Variants in PDSS2 observed in about 807,000 individuals in gnomAD.
PDSS2 encodes the protein decaprenyl diphosphate synthase subunit 2, also known as all trans-polyprenyl-diphosphate synthase PDSS2.
PDSS2 carries 31 observed loss-of-function variants against 44.5 expected under a neutral mutation model. The ratio of observed to expected loss-of-function variants is 0.70; its 90% CI spans 0.52 to 0.94. The LOEUF is 0.94. Among genes scored for constraint, PDSS2 ranks in the 40% least tolerant of loss-of-function variants. The probability of loss-of-function intolerance (pLI) is 0.00; values close to 1 mark genes in which losing one functional copy is unlikely to be tolerated. For synonymous variants in PDSS2, 157 were observed against 180.3 expected, an observed-to-expected ratio of 0.87 and a Z score of 1.03; for missense variants, 452 against 482.2, an observed-to-expected ratio of 0.94 and a Z score of 0.59.
intron 6 of PDSS2, among the ~76,000 whole-genome samples, chr6:107,201,582 A>G (rs895108910): frequency 6.6e-6 from 1 of 152,178 alleles, no homozygotes; most frequent in African/African-American, 2.4e-5. Context: ...GTAACAAAGA[A>G]GGATTGGATG....
intron 2 of PDSS2, among the ~76,000 whole-genome samples, chr6:107,301,897 C>G (rs1049930833): frequency 2.3e-5 from 3 of 129,810 alleles, no homozygotes; most frequent in Non-Finnish European, 4.7e-5. Context: ...GCACTCCAGC[C>G]TGGGTGACAG....
intron 3 of PDSS2, among the ~76,000 whole-genome samples, chr6:107,250,180 A>ACC (rs56145618): frequency 0.019 from 2,688 of 142,674 alleles, 74 homozygotes; most frequent in African/African-American, 0.057. Context: ...AAAAATACTG[A>ACC]CCCCCCCCCG....
At chr6:107,289,855 A>G (rs1159270695) in intron 2 of PDSS2, among the ~76,000 whole-genome samples, 5 of 152,268 alleles carry the variant, frequency 3.3e-5, no homozygotes, top group Admixed American at 1.3e-4. Flanking sequence ...TCATTAGGGA[A>G]AGTCACTCAA....
chr6:107,353,376 C>T (rs1356946327), intron 1 of PDSS2, among the ~76,000 whole-genome samples: 3 of 152,164 alleles, frequency 2.0e-5, no homozygotes, highest in Non-Finnish European at 4.4e-5. Flanking sequence ...ATTTTATTTA[C>T]AGTTATTACA....
chr6:107,358,224 G>A (rs557356817), intron 1 of PDSS2, among the ~76,000 whole-genome samples: 47 of 152,270 alleles, frequency 3.1e-4, no homozygotes, highest in African/African-American at 1.1e-3. Flanking sequence ...TTCATGTTTA[G>A]ACTTGGGTCA....
chr6:107,160,470 C>T (rs1018614161), intron 7 of PDSS2, among the ~76,000 whole-genome samples: 29 of 152,110 alleles, frequency 1.9e-4, no homozygotes, highest in Non-Finnish European at 4.1e-4. Flanking sequence ...CATCTCAGCC[C>T]CCAAGTACCT....
At chr6:107,180,647 C>T (rs1771941113) in intron 7 of PDSS2, among the ~76,000 whole-genome samples, 2 of 152,070 alleles carry the variant, frequency 1.3e-5, no homozygotes, top group Non-Finnish European at 2.9e-5. Context: ...CCATGCTTAC[C>T]GTCAAGAACT....
At chr6:107,432,468 A>C (rs999221143) in intron 1 of PDSS2, among the ~76,000 whole-genome samples, 3 of 152,212 alleles carry the variant, frequency 2.0e-5, no homozygotes, top group Admixed American at 2.0e-4. Flanking sequence ...CCATCACCTT[A>C]AGCATTTCTT....
chr6:107,268,351 T>C (rs568926885), intron 3 of PDSS2, among the ~76,000 whole-genome samples: 131 of 152,266 alleles, frequency 8.6e-4, no homozygotes, highest in African/African-American at 3.0e-3. Context: ...TTTTGAAATA[T>C]GTATTTATTT....
intron 1 of PDSS2, among the ~76,000 whole-genome samples, chr6:107,406,731 T>C (rs182782395): frequency 1.3e-5 from 2 of 152,304 alleles, no homozygotes; most frequent in African/African-American, 4.8e-5. Context: ...TAGCTGGCTA[T>C]ATCAAGAAGG....
chr6:107,156,528 G>A (rs1309538989), intron 7 of PDSS2, among the ~76,000 whole-genome samples: 2 of 152,122 alleles, frequency 1.3e-5, no homozygotes, highest in Non-Finnish European at 2.9e-5. Flanking sequence ...AAACCCAGAC[G>A]TCTTCATTCC....
At chr6:107,446,988 A>C (rs1348133705) in intron 1 of PDSS2, among the ~76,000 whole-genome samples, 1 of 152,048 alleles carries the variant, frequency 6.6e-6, no homozygotes, top group African/African-American at 2.4e-5. Flanking sequence ...CAAAAGTCCA[A>C]GTCCAAAGTT....
At chr6:107,416,164 T>C (rs1780651142) in intron 1 of PDSS2, among the ~76,000 whole-genome samples, 3 of 152,322 alleles carry the variant, frequency 2.0e-5, no homozygotes, top group Non-Finnish European at 2.9e-5. Context: ...TTTATTCCTA[T>C]GGTAAAACGA....
chr6:107,265,221 C>T (rs926711527), intron 3 of PDSS2, among the ~76,000 whole-genome samples: 4 of 152,172 alleles, frequency 2.6e-5, no homozygotes, highest in African/African-American at 9.7e-5. Context: ...AAATAATTGA[C>T]TCTGCTAATT....
At chr6:107,212,836 CAAA>C (rs68101776) in intron 4 of PDSS2, among the ~76,000 whole-genome samples, 24,508 of 127,490 alleles carry the variant, frequency 0.19, 2,209 homozygotes, top group African/African-American at 0.35. Context: ...CAAGACTCTA[CAAA>C]AAAAAAAAAA....
At chr6:107,365,129 T>C (rs1778922781) in intron 1 of PDSS2, among the ~76,000 whole-genome samples, 1 of 152,222 alleles carries the variant, frequency 6.6e-6, no homozygotes, top group Non-Finnish European at 1.5e-5. Context: ...AAATACATTT[T>C]TCTCATTTCT....
intron 1 of PDSS2, among the ~76,000 whole-genome samples, chr6:107,385,345 A>AG (rs1490001934): frequency 6.6e-6 from 1 of 152,164 alleles, no homozygotes; most frequent in African/African-American, 2.4e-5. Flanking sequence ...TAAAAAAAAA[A>AG]AAAAATCTTC....
At chr6:107,458,412 C>CAAAAAAAAAAAA (rs60758453) in intron 1 of PDSS2, among the ~76,000 whole-genome samples, 2,740 of 77,856 alleles carry the variant, frequency 0.035, 638 homozygotes, top group Non-Finnish European at 0.044. Context: ...GACTCCGTCT[C>CAAAAAAAAAAAA]AAAAAAAAAA....
At chr6:107,426,951 T>C (rs538664502) in intron 1 of PDSS2, among the ~76,000 whole-genome samples, 224 of 152,172 alleles carry the variant, frequency 1.5e-3, no homozygotes, top group African/African-American at 5.0e-3. Flanking sequence ...GGCTTTTGAG[T>C]TAATGCTGAA....
Sources: gnomAD v4.1 joint callset for allele counts (sites outside exome capture counted in the v4.1 genomes callset) on GRCh38, gnomAD v4.1.1 for gene constraint, MANE v1.5 for transcripts, NCBI Gene and HGNC (gene_info 2026-07-23, HGNC 2026-07-21) for gene names.